C7: variants seen among roughly 807,000 people sequenced by gnomAD.
The protein encoded by C7 is complement component C7.
A neutral mutation model predicts 104.8 loss-of-function variants in C7; 83 were observed. That is an observed-to-expected ratio of 0.79 (90% CI 0.66 to 0.95). The LOEUF is 0.95. Among genes scored for constraint, C7 ranks in the 40% least tolerant of loss-of-function variants. The pLI is 0.00. For synonymous variants in C7, 415 were observed against 360.6 expected (o/e 1.15, Z -1.71); for missense variants, 1,070 against 1,011.2 (o/e 1.06, Z -0.79).
intron 1 of C7, among the ~76,000 whole-genome samples, chr5:40,924,664 G>A (rs1455059992): frequency 2.0e-5 from 3 of 152,112 alleles, no homozygotes; most frequent in African/African-American, 7.2e-5. Context: ...CTGAAATCTA[G>A]CTGGAAGCTG....
In C7 at chr5:40,968,586, ATATATATATATATATTTTT is replaced by A. The variant is rs1215819543; in HGVS notation, c.1882+3715_1882+3733del. 2.1e-4 allele frequency among the ~76,000 whole-genome samples: 16 copies of A among 76,442 alleles called. No homozygotes were observed. The East Asian group carries it at 2.9e-3, about 14-fold the overall frequency. The allele number at this position is 76,442 out of a possible 152,430, so 50.1% of individuals were successfully genotyped here. On this transcript the variant is annotated intron_variant, in intron 14 of 17. Transcript: ENST00000313164. ...ATATATTTTATATATATATATATAT[ATATATATATATATATTTTT>A]TTTTTTTTTTTTTTTTTTTTTTTTG...
chr5:40,945,400 G>T, intron 7 of C7, 32 bp downstream of exon 7: 3 of 1,479,664 alleles, frequency 2.0e-6, no homozygotes, highest in East Asian at 2.4e-5. Flanking sequence ...ACTTTTCCAT[G>T]TTTTACTTTT....
At chr5:40,928,478 A>C (rs1739605453) in intron 1 of C7, 102 bp from the exon 2 acceptor site, 1 of 657,060 alleles carries the variant, frequency 1.5e-6, no homozygotes, top group African/African-American at 1.9e-5. Context: ...AAATAATAAC[A>C]TCACTTTGTA....
intron 15 of C7, among the ~76,000 whole-genome samples, chr5:40,973,870 A>G (rs1740752561): frequency 6.6e-6 from 1 of 152,214 alleles, no homozygotes; most frequent in Admixed American, 6.5e-5. Flanking sequence ...TTTACCCAGT[A>G]GAAAATTCTA....
chr5:40,923,436 C>T (rs59649363), intron 1 of C7, among the ~76,000 whole-genome samples: 3,365 of 152,108 alleles, frequency 0.022, 131 homozygotes, highest in African/African-American at 0.077. Context: ...TGTCACATGG[C>T]AATAGTGAGA....
chr5:40,919,881 A>G (rs950860076), intron 1 of C7, among the ~76,000 whole-genome samples: 3 of 152,136 alleles, frequency 2.0e-5, no homozygotes, highest in African/African-American at 7.2e-5. Context: ...TGTCTACATC[A>G]AAGAGAAGAA....
chr5:40,931,442 G>A (rs1282409513), intron 3 of C7, among the ~76,000 whole-genome samples: 1 of 152,092 alleles, frequency 6.6e-6, no homozygotes, highest in Non-Finnish European at 1.5e-5. Flanking sequence ...AGAGAAATAG[G>A]AATAACATAG....
At position 40,981,849 on chromosome 5, in the gene C7, G is replaced by GT. The variant is rs1740954589; in HGVS notation, c.*282dup. 7.2e-6 allele frequency: 2 copies of GT among 276,914 alleles called. No homozygotes were observed. Among genetic ancestry groups the GT allele is most frequent in the Non-Finnish European group, 1.3e-5 (2 of 149,076 alleles). 17.2% of individuals were successfully genotyped at this position (276,914 alleles called of 1,614,324 possible). Reference sequence around the variant, plus strand: ...TAGGTGTTACCTTCTCTGGGCCTTGGTTTTTTAAAATCTGTAAAATTAGAG... The same window carrying GT: ...TAGGTGTTACCTTCTCTGGGCCTTGGTTTTTTTAAAATCTGTAAAATTAGAG... On this transcript the variant is annotated 3_prime_UTR_variant, in exon 18 of 18. Transcript: ENST00000313164.
chr5:40,978,454 A>G (rs1740866766), intron 16 of C7, among the ~76,000 whole-genome samples: 1 of 152,174 alleles, frequency 6.6e-6, no homozygotes, highest in Non-Finnish European at 1.5e-5. Context: ...GTTAATAGTT[A>G]TGGTATACAT....
chr5:40,949,361 A>AAG (rs34674021), intron 8 of C7, among the ~76,000 whole-genome samples: 1 of 54,598 alleles, frequency 1.8e-5, no homozygotes. Flanking sequence ...ATGCATTGGC[A>AAG]AAAAAAAAAA....
rs1460164640 is a variant in C7 at position 40,958,191 on chromosome 5, T to C, written c.1419T>C (p.Cys473=). The change falls in exon 11 of 18, where the codon TGT becomes TGC. Residue 473 remains cysteine, a synonymous_variant. Coordinates refer to ENST00000313164, the MANE Select transcript of C7 (RefSeq NM_000587.4). Reference sequence around the variant, plus strand: ...TGGCTACTGTTGAGGGGACCCATTGTCTGTGCCATTGCAAACCGTACACAT... The same window carrying C: ...TGGCTACTGTTGAGGGGACCCATTGCCTGTGCCATTGCAAACCGTACACAT... ...GGLATVEGTH[C]LCHCKPYTFG... 6.2e-7 allele frequency: 1 copy of C among 1,613,836 alleles called. No homozygotes were observed. The highest frequency in any genetic ancestry group is 1.1e-5 in the South Asian group (1 of 91,052).
At chr5:40,968,449 C>T (rs114962712) in intron 14 of C7, among the ~76,000 whole-genome samples, 1,648 of 150,886 alleles carry the variant, frequency 0.011, 35 homozygotes, top group African/African-American at 0.037. Flanking sequence ...TTTCAACTGA[C>T]CTATCTTCCA....
At chr5:40,925,997 A>G (rs933769220) in intron 1 of C7, among the ~76,000 whole-genome samples, 5 of 152,236 alleles carry the variant, frequency 3.3e-5, no homozygotes, top group African/African-American at 1.2e-4. Flanking sequence ...GAACATGGTG[A>G]ACATAGATAC....
At chr5:40,957,110 G>A (rs1336141993) in intron 10 of C7, among the ~76,000 whole-genome samples, 2 of 152,200 alleles carry the variant, frequency 1.3e-5, no homozygotes, top group Admixed American at 1.3e-4. Flanking sequence ...AACCAATGGT[G>A]CATATCTCTT....
chr5:40,976,294 CAACA>C (rs1211357548), intron 15 of C7, among the ~76,000 whole-genome samples: 2 of 152,196 alleles, frequency 1.3e-5, no homozygotes, highest in South Asian at 2.1e-4. Flanking sequence ...GCAGTCCAAA[CAACA>C]AACAGTTTAT....
At chr5:40,979,123 A>T (rs1740882691) in intron 16 of C7, among the ~76,000 whole-genome samples, 1 of 151,858 alleles carries the variant, frequency 6.6e-6, no homozygotes, top group Non-Finnish European at 1.5e-5. Context: ...CAAATGATCC[A>T]CCTGCGTTGG....
chr5:40,980,050 T>G (rs905367355), intron 17 of C7, 141 bp downstream of exon 17: 16 of 638,364 alleles, frequency 2.5e-5, no homozygotes, highest in Admixed American at 3.3e-5. Flanking sequence ...TGACATGCAC[T>G]GACCTCTCCT....
At chr5:40,955,603 A>C (rs1260736029) in intron 10 of C7, 50 bp downstream of exon 10, 1 of 1,553,372 alleles carries the variant, frequency 6.4e-7, no homozygotes, top group Admixed American at 1.9e-5. Flanking sequence ...GTTTATTTGC[A>C]TGAGGAAAAC....
At chr5:40,973,979 A>G (rs977826979) in intron 15 of C7, among the ~76,000 whole-genome samples, 4 of 152,236 alleles carry the variant, frequency 2.6e-5, no homozygotes, top group African/African-American at 7.2e-5. Context: ...AAACAAAAAA[A>G]TCCAAGACTT....
Sources: allele counts gnomAD v4.1 joint callset (sites outside exome capture counted in the v4.1 genomes callset), GRCh38; gene constraint gnomAD v4.1.1; transcripts MANE v1.5; gene names NCBI Gene and HGNC (gene_info 2026-07-23, HGNC 2026-07-21).